PRP4K: variants seen among roughly 807,000 people sequenced by gnomAD.
PRP4K encodes the protein pre-mRNA processing factor kinase PRP4K, also known as serine/threonine-protein kinase PRP4 homolog.
chr6:4,021,373 C>T, the PRP4K span: 1 of 1,554,330 alleles, frequency 6.4e-7, no homozygotes, highest in Non-Finnish European at 8.7e-7. Flanking sequence ...TTCCCCTACC[C>T]TCCACCGTCC....
the PRP4K span, among the ~76,000 whole-genome samples, chr6:4,045,601 C>G: frequency 6.6e-6 from 1 of 152,132 alleles, no homozygotes; most frequent in Non-Finnish European, 1.5e-5. Flanking sequence ...GGTTTATTAA[C>G]TTATGATTTT....
At chr6:4,033,247 G>A in the PRP4K span, among the ~76,000 whole-genome samples, 1 of 151,866 alleles carries the variant, frequency 6.6e-6, no homozygotes, top group South Asian at 2.1e-4. Flanking sequence ...AATATTTTTT[G>A]GTCCCCAAAG....
At chr6:4,042,956 A>G in the PRP4K span, among the ~76,000 whole-genome samples, 1 of 152,216 alleles carries the variant, frequency 6.6e-6, no homozygotes, top group African/African-American at 2.4e-5. Context: ...AGTAATGGCA[A>G]GTTTTGTAAT....
the PRP4K span, chr6:4,047,238 C>T: frequency 6.2e-7 from 1 of 1,610,010 alleles, no homozygotes; most frequent in Non-Finnish European, 8.5e-7. Context: ...ATGTTTGCTG[C>T]GTATTTTGAT....
At chr6:4,046,804 C>T in the PRP4K span, among the ~76,000 whole-genome samples, 1 of 151,970 alleles carries the variant, frequency 6.6e-6, no homozygotes, top group Admixed American at 6.6e-5. Flanking sequence ...ATTACAGGCA[C>T]CTGCCACCAT....
the PRP4K span, among the ~76,000 whole-genome samples, chr6:4,026,615 A>G: frequency 1.3e-5 from 2 of 152,032 alleles, no homozygotes; most frequent in South Asian, 2.1e-4. Context: ...ATGTTATTCT[A>G]TATATATAAT....
chr6:4,032,843 G>A, the PRP4K span: 35 of 1,317,198 alleles, frequency 2.7e-5, no homozygotes, highest in Non-Finnish European at 3.3e-5. Flanking sequence ...TAAAAATGAA[G>A]TAGTAAGTAA....
chr6:4,027,592 C>CGGGGGGGGGGG, the PRP4K span, among the ~76,000 whole-genome samples: 4 of 7,904 alleles, frequency 5.1e-4, no homozygotes, highest in African/African-American at 7.4e-4. Context: ...GCTTATTTGG[C>CGGGGGGGGGGG]GGAGGGGTGG....
At chr6:4,052,424 T>TGA in the PRP4K span, among the ~76,000 whole-genome samples, 1 of 152,234 alleles carries the variant, frequency 6.6e-6, no homozygotes, top group Non-Finnish European at 1.5e-5. Context: ...AGTGTGGCTT[T>TGA]GTTGTGTTTT....
the PRP4K span, among the ~76,000 whole-genome samples, chr6:4,055,057 A>G: frequency 1.3e-5 from 2 of 152,322 alleles, no homozygotes; most frequent in African/African-American, 4.8e-5. Context: ...GATTTTTGTT[A>G]ATGAAAATCC....
chr6:4,034,416 A>G, the PRP4K span, among the ~76,000 whole-genome samples: 4 of 152,196 alleles, frequency 2.6e-5, no homozygotes, highest in East Asian at 7.7e-4. Context: ...ATAGACTCAT[A>G]GAAGTGGACT....
chr6:4,027,964 T>C, the PRP4K span, among the ~76,000 whole-genome samples: 2 of 152,148 alleles, frequency 1.3e-5, no homozygotes, highest in African/African-American at 2.4e-5. Context: ...CTTTAAAGAC[T>C]CTCCTACCTT....
the PRP4K span, among the ~76,000 whole-genome samples, chr6:4,038,919 C>CTTTTTTTTTTTT: frequency 6.9e-6 from 1 of 144,280 alleles, no homozygotes; most frequent in Non-Finnish European, 1.5e-5. Context: ...AATTTTTGTG[C>CTTTTTTTTTTTT]TTTTTTTTTT....
At chr6:4,021,374 T>A in the PRP4K span, 2 of 1,554,482 alleles carry the variant, frequency 1.3e-6, no homozygotes. Flanking sequence ...TCCCCTACCC[T>A]CCACCGTCCG....
chr6:4,063,034 A>C, the PRP4K span: 1 of 152,608 alleles, frequency 6.6e-6, no homozygotes, highest in Non-Finnish European at 1.5e-5. Flanking sequence ...CCTGTTCTTT[A>C]AAAAACAAAG....
chr6:4,044,871 T>A, the PRP4K span, among the ~76,000 whole-genome samples: 5 of 148,962 alleles, frequency 3.4e-5, no homozygotes, highest in African/African-American at 4.9e-5. Context: ...TTATTTTTTT[T>A]TTTTTTTAAG....
chr6:4,040,868 A>G, the PRP4K span: 4 of 1,614,010 alleles, frequency 2.5e-6, no homozygotes, highest in Non-Finnish European at 3.4e-6. Flanking sequence ...AGGAAGATAA[A>G]TTTAAAGGAA....
At chr6:4,025,772 T>C in the PRP4K span, among the ~76,000 whole-genome samples, 3 of 152,168 alleles carry the variant, frequency 2.0e-5, no homozygotes, top group Non-Finnish European at 4.4e-5. Context: ...TTTTTGTAAA[T>C]TGTTAGCATT....
the PRP4K span, among the ~76,000 whole-genome samples, chr6:4,058,487 T>A: frequency 7.0e-3 from 1,070 of 152,350 alleles, 9 homozygotes; most frequent in Middle Eastern, 0.02. Flanking sequence ...TTTGATGTTA[T>A]AATTGTTTTA....
Sources: allele counts gnomAD v4.1 joint callset (sites outside exome capture counted in the v4.1 genomes callset), GRCh38; gene constraint gnomAD v4.1.1; transcripts MANE v1.5; gene names NCBI Gene and HGNC (gene_info 2026-07-23, HGNC 2026-07-21).